Variants in CECR2 observed in about 807,000 individuals in gnomAD.
The protein encoded by CECR2 is chromatin remodeling regulator CECR2.
A neutral mutation model predicts 154.5 loss-of-function variants in CECR2; 30 were observed. The observed-to-expected ratio is 0.19, with a 90% CI of 0.15 to 0.26. The LOEUF (loss-of-function observed/expected upper bound fraction) is 0.26. Among genes scored for constraint, CECR2 ranks in the 10% least tolerant of loss-of-function variants. The pLI is 1.00. For missense variants in CECR2, 1,743 were observed against 1,829.3 expected (o/e 0.95, Z 0.86); for synonymous variants, 725 against 683.7 (o/e 1.06, Z -0.94).
At chr22:17,463,909 G>A (rs577934034) in intron 1 of CECR2, among the ~76,000 whole-genome samples, 22 of 152,176 alleles carry the variant, frequency 1.4e-4, no homozygotes, top group Non-Finnish European at 2.8e-4. Flanking sequence ...TGGAGGGCTA[G>A]GGTGAGGAAA....
At chr22:17,412,322 G>T (rs2054079201) in intron 1 of CECR2, among the ~76,000 whole-genome samples, 1 of 152,178 alleles carries the variant, frequency 6.6e-6, no homozygotes, top group Non-Finnish European at 1.5e-5. Flanking sequence ...ATTCAGTCCA[G>T]TTGGTAAAGT....
At chr22:17,429,546 AAAAACAAAAACAAAG>A (rs2054387854) in intron 1 of CECR2, among the ~76,000 whole-genome samples, 1 of 128,968 alleles carries the variant, frequency 7.8e-6, no homozygotes, top group African/African-American at 3.3e-5. Flanking sequence ...TACCAAAAAC[AAAAACAAAAACAAAG>A]AAAAGAAAAG....
At chr22:17,515,722 C>G (rs1469899023) in intron 8 of CECR2, among the ~76,000 whole-genome samples, 7 of 150,816 alleles carry the variant, frequency 4.6e-5, no homozygotes, top group African/African-American at 1.7e-4. Context: ...GTCACCCAGG[C>G]TGGAGTGCAG....
chr22:17,462,691 G>A (rs2054961275), intron 1 of CECR2, among the ~76,000 whole-genome samples: 1 of 152,074 alleles, frequency 6.6e-6, no homozygotes, highest in South Asian at 2.1e-4. Context: ...CGAGGCGGGT[G>A]GATCACGAGG....
chr22:17,414,219 G>T (rs191209580), intron 1 of CECR2, among the ~76,000 whole-genome samples: 2 of 148,798 alleles, frequency 1.3e-5, no homozygotes, highest in Non-Finnish European at 3.0e-5. Context: ...TGATCCGCCC[G>T]CCTTGGCCTC....
At chr22:17,409,201 T>C (rs1014752240) in intron 1 of CECR2, among the ~76,000 whole-genome samples, 58,963 of 117,572 alleles carry the variant, frequency 0.5, 17,264 homozygotes, top group Non-Finnish European at 0.63. Flanking sequence ...GGCATGATCT[T>C]GGCTCACTGC....
At position 17,477,002 on chromosome 22, in the gene CECR2, G is replaced by C. The variant is rs995445760; in HGVS notation, c.127-586G>C. The C allele has an allele frequency of 4.6e-6, 3 of 652,520 alleles. No homozygotes were observed. The African/African-American group carries it at 5.4e-5, about 12-fold the overall frequency. The allele number at this position is 652,520 out of a possible 1,614,324, so 40.4% of individuals were successfully genotyped here. A position where few individuals can be genotyped will look rare whatever the true frequency, so the allele number is the denominator to read the frequency against. ...CAGAGACGTTACCTCATTCTGTTTA[G>C]ATGATGTAAGATTAGCCTTGGATCT... On this transcript the variant is annotated intron_variant, in intron 1 of 18. Coordinates refer to ENST00000262608, the MANE Select transcript of CECR2 (RefSeq NM_001290047.2).
chr22:17,368,540 A>G (rs1037602148), upstream of CECR2, among the ~76,000 whole-genome samples: 3 of 152,124 alleles, frequency 2.0e-5, no homozygotes, highest in African/African-American at 7.2e-5. Flanking sequence ...GCGCTACAGC[A>G]GTTAGCATTT....
Position 17,411,048 on chromosome 22 carries a change from T to A in CECR2, c.126+41139T>A, listed in dbSNP as rs78741643. 8.9e-3 allele frequency among the ~76,000 whole-genome samples: 1,357 copies of A among 152,256 alleles called. 59 individuals carry two copies. In the East Asian group the frequency reaches 0.14, roughly 16 times the overall value. ...AATAGGAAGCCCAAGACTTAATCAT[T>A]TTCTCATTGTTTCATATTTACGAGT... On this transcript the variant is annotated intron_variant, in intron 1 of 18. Coordinates refer to ENST00000262608, the MANE Select transcript of CECR2 (RefSeq NM_001290047.2).
rs1427336404 is a variant in CECR2, at chr22:17,379,717, T to G, written c.126+9808T>G. Among the ~76,000 whole-genome samples, 3 of 152,118 alleles carry G rather than the reference T, an allele frequency of 2.0e-5. No homozygotes were observed. The East Asian group carries it at 5.8e-4, about 29-fold the overall frequency. On this transcript the variant is annotated intron_variant, in intron 1 of 18. Transcript: ENST00000262608. ...CATGAGCTTGAAGCTGCTCTAAATG[T>G]TTTTTAATGATTTTTCATGTTTAAT...
chr22:17,384,539 G>C (rs796492651), intron 1 of CECR2, among the ~76,000 whole-genome samples: 14 of 152,320 alleles, frequency 9.2e-5, no homozygotes, highest in African/African-American at 3.4e-4. Flanking sequence ...TATATTGTCA[G>C]TTAGCAGTAA....
In CECR2 at chr22:17,548,850, C is replaced by T. The variant is rs2056658533; in HGVS notation, c.3563C>T (p.Pro1188Leu). Residue 1188 changes from proline to leucine, a missense_variant, in exon 17 of 19, where the codon CCA (proline) becomes CTA (leucine). Around this residue, in one of 4 missense-constraint regions of CECR2, gnomAD observed 1,250 missense variants for 1,192.1 expected, o/e 1.05. Coordinates refer to ENST00000262608, the MANE Select transcript of CECR2 (RefSeq NM_001290047.2). ...PPQGMRYSYH[P>L]PPQPSYHHYQ... ...CAAGGAATGAGGTATTCCTACCACCCACCGCCACAGCCTTCCTACCACCAC... is the reference window on the plus strand; with the variant it reads ...CAAGGAATGAGGTATTCCTACCACCTACCGCCACAGCCTTCCTACCACCAC... The T allele has an allele frequency of 3.1e-6, 5 of 1,613,442 alleles. No homozygotes were observed. Among genetic ancestry groups the T allele is most frequent in the African/African-American group, 1.3e-5 (1 of 74,898 alleles).
intron 8 of CECR2, among the ~76,000 whole-genome samples, chr22:17,515,877 G>A (rs1252869099): frequency 4.0e-5 from 6 of 151,718 alleles, no homozygotes; most frequent in African/African-American, 7.3e-5. Flanking sequence ...GGGTTTCACC[G>A]TGTTAGCCAG....
At chr22:17,505,493 C>A (rs78771124) in intron 7 of CECR2, among the ~76,000 whole-genome samples, 2,264 of 151,344 alleles carry the variant, frequency 0.015, 29 homozygotes, top group Non-Finnish European at 0.02. Flanking sequence ...GCATGTACAC[C>A]CTACTTCATG....
intron 10 of CECR2, 134 bp downstream of exon 10, chr22:17,537,366 G>A: frequency 1.9e-6 from 2 of 1,029,668 alleles, no homozygotes; most frequent in Non-Finnish European, 2.9e-6. Flanking sequence ...GAACAGGGCG[G>A]GCCCTGCACA....
Position 17,542,830 on chromosome 22 carries a change from GC to G in CECR2, c.2693del (p.Pro898GlnfsTer22). 6.2e-7 allele frequency: 1 copy of G among 1,613,728 alleles called. No homozygotes were observed. The highest frequency in any genetic ancestry group is 8.5e-7 in the Non-Finnish European group (1 of 1,179,784). On this transcript the variant is annotated frameshift_variant, in exon 16 of 19. Coordinates refer to ENST00000262608, the MANE Select transcript of CECR2 (RefSeq NM_001290047.2). LOFTEE classifies it high-confidence loss of function. ...IAMQQLSSRV[C>X]PPGVPYHPHQ... ...ATGCAGCAGCTCTCCTCCCGCGTCT[GC>G]CCCCCAGGTGTGCCTTACCACCCCC... is the stretch of plus-strand genomic sequence containing the variant.
At chr22:17,494,588 G>A (rs1405376212) in intron 2 of CECR2, among the ~76,000 whole-genome samples, 3 of 152,182 alleles carry the variant, frequency 2.0e-5, no homozygotes, top group Non-Finnish European at 4.4e-5. Context: ...TGTTAGAACT[G>A]TTACGCTGCA....
chr22:17,508,758 C>A (rs2055890123), intron 7 of CECR2, among the ~76,000 whole-genome samples: 1 of 152,052 alleles, frequency 6.6e-6, no homozygotes, highest in African/African-American at 2.4e-5. Flanking sequence ...AACAAAATCA[C>A]CTAAGAATGT....
At chr22:17,411,181 T>C (rs913716076) in intron 1 of CECR2, among the ~76,000 whole-genome samples, 1 of 152,216 alleles carries the variant, frequency 6.6e-6, no homozygotes, top group Non-Finnish European at 1.5e-5. Flanking sequence ...CAGGGTAATG[T>C]TTTTGGATTG....
Sources: allele counts gnomAD v4.1 joint callset (sites outside exome capture counted in the v4.1 genomes callset), GRCh38; gene constraint gnomAD v4.1.1; regional missense constraint gnomAD v4.1.1; transcripts MANE v1.5; gene names NCBI Gene and HGNC (gene_info 2026-07-23, HGNC 2026-07-21).